The following RAD51B variants were observed in gnomAD, a reference collection of about 807,000 sequenced individuals.
RAD51B encodes DNA repair protein RAD51 homolog 2.
A neutral mutation model predicts 42.2 loss-of-function variants in RAD51B; 38 were observed. That is an observed-to-expected ratio of 0.90 (90% CI 0.70 to 1.18). The LOEUF (loss-of-function observed/expected upper bound fraction) is 1.18, where lower values mean the gene tolerates loss of function less well. Ranked by LOEUF, RAD51B falls within the 50% of genes most tolerant of loss-of-function variation. The pLI, the probability that RAD51B is intolerant of heterozygous loss-of-function variation, is 0.00. For synonymous variants in RAD51B, 154 were observed against 145.2 expected (o/e 1.06, Z -0.43); for missense variants, 373 against 400.7 (o/e 0.93, Z 0.59).
At chr14:68,366,303 A>AT in intron 8 of RAD51B, among the ~76,000 whole-genome samples, 1 of 152,310 alleles carries the variant, frequency 6.6e-6, no homozygotes, top group Non-Finnish European at 1.5e-5. Context: ...GTGATAAGAC[A>AT]TTGGCCAAAT....
intron 8 of RAD51B, among the ~76,000 whole-genome samples, chr14:68,332,296 T>TACAC (rs374934075): frequency 2.0e-5 from 3 of 151,852 alleles, no homozygotes; most frequent in African/African-American, 7.2e-5. Context: ...ACAAATGAGA[T>TACAC]ACACACACAC....
At chr14:67,896,490 A>G (rs1306802278) in intron 7 of RAD51B, among the ~76,000 whole-genome samples, 3 of 152,234 alleles carry the variant, frequency 2.0e-5, no homozygotes, top group Non-Finnish European at 4.4e-5. Context: ...CTCTGTACAC[A>G]TAGTATTACT....
At chr14:67,981,026 T>TA (rs990587807) in intron 7 of RAD51B, among the ~76,000 whole-genome samples, 6 of 152,006 alleles carry the variant, frequency 3.9e-5, no homozygotes, top group African/African-American at 1.5e-4. Flanking sequence ...CAAAATTCAA[T>TA]AAAAAATCAA....
chr14:68,111,067 G>C (rs2077451907), intron 7 of RAD51B, among the ~76,000 whole-genome samples: 2 of 152,178 alleles, frequency 1.3e-5, no homozygotes, highest in African/African-American at 4.8e-5. Context: ...TGACAAGTAA[G>C]ATAATTACAT....
At chr14:68,180,472 G>T (rs944733073) in intron 7 of RAD51B, among the ~76,000 whole-genome samples, 2 of 152,058 alleles carry the variant, frequency 1.3e-5, no homozygotes, top group Non-Finnish European at 2.9e-5. Flanking sequence ...TAATGAAAAA[G>T]TATCATCATG....
chr14:67,886,921 G>A (rs944047223), intron 6 of RAD51B, 100 bp from the exon 7 acceptor site: 1 of 727,930 alleles, frequency 1.4e-6, no homozygotes, highest in African/African-American at 1.8e-5. Flanking sequence ...ACTTAGGAAA[G>A]AATAGTTTAT....
chr14:68,094,950 C>T (rs1191399173), intron 7 of RAD51B, among the ~76,000 whole-genome samples: 1 of 152,114 alleles, frequency 6.6e-6, no homozygotes, highest in Non-Finnish European at 1.5e-5. Context: ...TGAGGTGAAG[C>T]TCTCTGTAAG....
intron 7 of RAD51B, among the ~76,000 whole-genome samples, chr14:67,905,603 A>T (rs1003228572): frequency 6.6e-6 from 1 of 151,916 alleles, no homozygotes; most frequent in Non-Finnish European, 1.5e-5. Flanking sequence ...AGTGTTTTGT[A>T]ATTCTTGTTG....
chr14:68,473,911 G>A (rs1882320092), intron 10 of RAD51B, among the ~76,000 whole-genome samples: 1 of 152,186 alleles, frequency 6.6e-6, no homozygotes, highest in Non-Finnish European at 1.5e-5. Flanking sequence ...TTGATTTTGA[G>A]TGCATTCTGA....
At chr14:68,469,329 A>G (rs1381053267) in intron 10 of RAD51B, among the ~76,000 whole-genome samples, 16 of 152,232 alleles carry the variant, frequency 1.1e-4, no homozygotes, top group Admixed American at 1.0e-3. Context: ...CTTCTAACTA[A>G]GGAACAGGCT....
At chr14:68,074,829 G>A (rs1298825192) in intron 7 of RAD51B, among the ~76,000 whole-genome samples, 1 of 152,230 alleles carries the variant, frequency 6.6e-6, no homozygotes, top group Non-Finnish European at 1.5e-5. Flanking sequence ...TTTGGGCTAT[G>A]ATCCAGTAGA....
intron 7 of RAD51B, among the ~76,000 whole-genome samples, chr14:68,077,540 T>C (rs1190941317): frequency 6.6e-6 from 1 of 152,236 alleles, no homozygotes; most frequent in Non-Finnish European, 1.5e-5. Flanking sequence ...TTAATGTTTG[T>C]GTAGACCAAG....
At chr14:68,320,676 C>T (rs1012921443) in intron 8 of RAD51B, among the ~76,000 whole-genome samples, 1 of 152,242 alleles carries the variant, frequency 6.6e-6, no homozygotes, top group Non-Finnish European at 1.5e-5. Flanking sequence ...TTCTGGCTCA[C>T]TCCCTCTATA....
chr14:67,992,054 G>A (rs555471706), intron 7 of RAD51B, among the ~76,000 whole-genome samples: 24 of 152,304 alleles, frequency 1.6e-4, no homozygotes, highest in African/African-American at 5.5e-4. Flanking sequence ...TCTTAGGAAT[G>A]TCTAGAACAT....
At chr14:68,540,823 G>T in intron 10 of RAD51B, 1 of 985,436 alleles carries the variant, frequency 1.0e-6, no homozygotes, top group African/African-American at 1.7e-5. Context: ...GAATTGGATG[G>T]TGTGTTCGAG....
At chr14:67,948,827 G>A (rs1229763813) in intron 7 of RAD51B, among the ~76,000 whole-genome samples, 1 of 150,810 alleles carries the variant, frequency 6.6e-6, no homozygotes, top group Non-Finnish European at 1.5e-5. Flanking sequence ...ATCTACTTGG[G>A]AGGCTGAGGC....
rs567863953 is a variant in RAD51B at position 68,157,880 on chromosome 14, T to C, written c.757-134004T>C. Among the ~76,000 whole-genome samples, 6 of 152,302 alleles carry C rather than the reference T, an allele frequency of 3.9e-5. No individual in the cohort carries two copies. The South Asian group carries it at 1.2e-3, about 32-fold the overall frequency. ...GTATTATTTTCAAAGTCAGAAATCA[T>C]TGGAGAAGAATCCCCTTCTAATATA... On this transcript the variant is annotated intron_variant, in intron 7 of 10. Coordinates refer to ENST00000471583, the MANE Select transcript of RAD51B (RefSeq NM_133510.4).
At chr14:68,043,740 A>G (rs557037196) in intron 7 of RAD51B, among the ~76,000 whole-genome samples, 1 of 152,354 alleles carries the variant, frequency 6.6e-6, no homozygotes, top group East Asian at 1.9e-4. Flanking sequence ...ATAAGTAAGT[A>G]GGGAGAGTAA....
chr14:68,437,418 T>C (rs969217113), intron 9 of RAD51B, among the ~76,000 whole-genome samples: 4 of 152,232 alleles, frequency 2.6e-5, no homozygotes, highest in Non-Finnish European at 4.4e-5. Context: ...CCTACTGTTT[T>C]GTTGAGGATT....
Sources: gnomAD v4.1 joint callset for allele counts (sites outside exome capture counted in the v4.1 genomes callset) on GRCh38, gnomAD v4.1.1 for gene constraint, MANE v1.5 for transcripts, NCBI Gene and HGNC (gene_info 2026-07-23, HGNC 2026-07-21) for gene names.